The following PPP6R2 variants were observed in gnomAD, a reference collection of about 807,000 sequenced individuals.
PPP6R2 encodes protein phosphatase 6 regulatory subunit 2, also known as serine/threonine-protein phosphatase 6 regulatory subunit 2.
PPP6R2 carries 62 observed loss-of-function variants against 100.2 expected under a neutral mutation model. The ratio of observed to expected loss-of-function variants is 0.62; its 90% confidence interval spans 0.50 to 0.76. PPP6R2 has a LOEUF of 0.76. PPP6R2 is among the 30% of genes least tolerant of loss of function. PPP6R2 has a pLI of 0.00. For synonymous variants in PPP6R2, 525 were observed against 514.7 expected, an observed-to-expected ratio of 1.02 and a Z score of -0.27; for missense variants, 1,142 against 1,276.3, an observed-to-expected ratio of 0.89 and a Z score of 1.60.
chr22:50,386,352 G>C (rs1048710540), intron 2 of PPP6R2, among the ~76,000 whole-genome samples: 1 of 151,812 alleles, frequency 6.6e-6, no homozygotes, highest in South Asian at 2.1e-4. Flanking sequence ...TGTTGGCCAG[G>C]CTGGTCTCAA....
At chr22:50,437,364 A>G in intron 15 of PPP6R2, 142 bp from the exon 16 acceptor site, 1 of 676,056 alleles carries the variant, frequency 1.5e-6, no homozygotes, top group Non-Finnish European at 2.6e-6. Context: ...TGAGCCCTGA[A>G]CAGAGTTTAC....
intron 1 of PPP6R2, among the ~76,000 whole-genome samples, chr22:50,352,452 G>A (rs1447108961): frequency 2.6e-5 from 4 of 152,102 alleles, no homozygotes; most frequent in Non-Finnish European, 4.4e-5. Context: ...TGCAGGCATT[G>A]GGTGCGGTGT....
At chr22:50,424,577 A>G (rs1244790709) in intron 10 of PPP6R2, among the ~76,000 whole-genome samples, 2 of 150,390 alleles carry the variant, frequency 1.3e-5, no homozygotes, top group South Asian at 2.1e-4. Flanking sequence ...GTGAGATCCC[A>G]GTCTGCATCA....
chr22:50,342,212 G>C (rs1284343072), upstream of PPP6R2, among the ~76,000 whole-genome samples: 1 of 152,238 alleles, frequency 6.6e-6, no homozygotes, highest in Non-Finnish European at 1.5e-5. Context: ...GAAGGGCATA[G>C]CCTGCTGAAC....
rs960529768 is a variant in PPP6R2 at position 50,431,501 on chromosome 22, A to G, written c.1335+119A>G. The G allele has an allele frequency of 2.2e-6, 2 of 899,420 alleles. No individual in the cohort carries two copies. The highest frequency in any genetic ancestry group is 2.7e-5 in the East Asian group (1 of 37,706). 55.7% of individuals were successfully genotyped at this position (899,420 alleles called of 1,614,324 possible). A position where few individuals can be genotyped will look rare whatever the true frequency, so the allele number is the denominator to read the frequency against. Reference sequence around the variant, plus strand: ...CAGCTGACACGGGGGCAGGGCTTTGAAAAGGGTCCCCAGGTGTCTGGTCAG... The same window carrying G: ...CAGCTGACACGGGGGCAGGGCTTTGGAAAGGGTCCCCAGGTGTCTGGTCAG... On this transcript the variant is annotated intron_variant, in intron 11 of 23. Transcript: ENST00000612753. This position sits in a 1 kb window ranked among gnomAD's most constrained non-coding sequence, Gnocchi z 4.8.
the PPP6R2 span, among the ~76,000 whole-genome samples, chr22:50,332,626 CTTTT>C: frequency 1.5e-5 from 2 of 134,112 alleles, no homozygotes; most frequent in African/African-American, 2.8e-5. Context: ...GGTTTAAATC[CTTTT>C]TTTTTTTTTT....
chr22:50,404,135 C>T (rs1390373609), intron 3 of PPP6R2, among the ~76,000 whole-genome samples: 1 of 142,884 alleles, frequency 7.0e-6, no homozygotes, highest in Admixed American at 7.0e-5. Context: ...CGCTCTGTCA[C>T]CCAGACTGGA....
chr22:50,443,137 C>G (rs2066135922), intron 22 of PPP6R2: 1 of 151,698 alleles, frequency 6.6e-6, no homozygotes, highest in South Asian at 2.1e-4. Context: ...ATGAGAGAGA[C>G]TGACTGTCGG....
chr22:50,352,091 G>A (rs574624682), intron 1 of PPP6R2, among the ~76,000 whole-genome samples: 2 of 151,512 alleles, frequency 1.3e-5, no homozygotes, highest in Admixed American at 1.3e-4. Context: ...CACCGCACCC[G>A]GCCACACCCA....
At position 50,444,361 on chromosome 22, in the gene PPP6R2, G is replaced by C; in HGVS notation, c.*114G>C. 1 of 1,317,446 alleles carries C rather than the reference G, an allele frequency of 7.6e-7. No homozygotes were observed. The highest frequency in any genetic ancestry group is 1.4e-5 in the South Asian group (1 of 71,270). The allele number at this position is 1,317,446 out of a possible 1,614,324, so 81.6% of individuals were successfully genotyped here. A position where few individuals can be genotyped will look rare whatever the true frequency, so the allele number is the denominator to read the frequency against. On this transcript the variant is annotated 3_prime_UTR_variant, in exon 24 of 24. Transcript: ENST00000612753. Reference sequence around the variant, plus strand: ...AATTTAATTTAATTTTAAAATAAATGCTGCATTGGTAAAGCTGGCAGTTGA... The same window carrying C: ...AATTTAATTTAATTTTAAAATAAATCCTGCATTGGTAAAGCTGGCAGTTGA...
intron 14 of PPP6R2, 145 bp from the exon 15 acceptor site, chr22:50,436,843 G>A: frequency 2.8e-6 from 2 of 710,212 alleles, no homozygotes; most frequent in Non-Finnish European, 2.5e-6. Context: ...ACACAGCACG[G>A]CCTCCTGGGC....
the PPP6R2 span, among the ~76,000 whole-genome samples, chr22:50,334,122 C>G: frequency 1.3e-5 from 2 of 152,348 alleles, no homozygotes; most frequent in East Asian, 3.9e-4. Flanking sequence ...GGAGCGTGAC[C>G]GCTGAAGCAC....
In PPP6R2 at chr22:50,431,137, G is replaced by T. The variant is rs753642458; in HGVS notation, c.1126-36G>T. 5.2e-6 allele frequency: 8 copies of T among 1,538,704 alleles called. No homozygotes were observed. Among genetic ancestry groups the T allele is most frequent in the East Asian group, 4.5e-5 (2 of 44,036 alleles). ...GTGGTGTAGCCGGCAGGAGAAAACC[G>T]ATCTAAGAACTGTCTTCTGTCCTCT... On this transcript the variant is annotated intron_variant, in intron 10 of 23. Transcript: ENST00000612753. The surrounding 1 kb of genome is among the most constrained non-coding windows in gnomAD (Gnocchi z 4.8).
At chr22:50,359,318 A>G (rs1428962720) in intron 1 of PPP6R2, among the ~76,000 whole-genome samples, 1 of 146,224 alleles carries the variant, frequency 6.8e-6, no homozygotes, top group Non-Finnish European at 1.5e-5. Flanking sequence ...TCCCGGCTTC[A>G]TGCCATTCTC....
At chr22:50,391,432 C>CAAAAAAA (rs57682271) in intron 2 of PPP6R2, among the ~76,000 whole-genome samples, 39 of 65,266 alleles carry the variant, frequency 6.0e-4, no homozygotes, top group East Asian at 2.0e-3. Flanking sequence ...GACTCCGTCT[C>CAAAAAAA]AAAAAAAAAA....
At chr22:50,411,260 C>T (rs910003988) in intron 4 of PPP6R2, among the ~76,000 whole-genome samples, 17 of 152,222 alleles carry the variant, frequency 1.1e-4, no homozygotes, top group African/African-American at 4.1e-4. Flanking sequence ...TTGAGAGCAG[C>T]CTGGCCAACA....
At chr22:50,400,559 T>C (rs1356244477) in intron 3 of PPP6R2, among the ~76,000 whole-genome samples, 2 of 152,222 alleles carry the variant, frequency 1.3e-5, no homozygotes, top group African/African-American at 4.8e-5. Flanking sequence ...GGTTCTTTTC[T>C]AAGCCCTATT....
intron 2 of PPP6R2, among the ~76,000 whole-genome samples, chr22:50,389,725 A>T (rs938096110): frequency 4.6e-5 from 7 of 151,738 alleles, no homozygotes; most frequent in Non-Finnish European, 8.8e-5. Context: ...CAGCCTCCCG[A>T]CTAGCTGGGA....
chr22:50,420,067 A>G (rs764394902), intron 8 of PPP6R2, among the ~76,000 whole-genome samples: 57 of 152,314 alleles, frequency 3.7e-4, no homozygotes, highest in Non-Finnish European at 7.2e-4. Context: ...ACTGAGACAC[A>G]GCCCCTCCCC....
Sources: allele counts gnomAD v4.1 joint callset (sites outside exome capture counted in the v4.1 genomes callset), GRCh38; gene constraint gnomAD v4.1.1; non-coding constraint Gnocchi (gnomAD v3.1); transcripts MANE v1.5; gene names NCBI Gene and HGNC (gene_info 2026-07-23, HGNC 2026-07-21).